The following GRB10 variants were observed in gnomAD, a reference collection of about 807,000 sequenced individuals.
GRB10 encodes growth factor receptor bound protein 10, also known as growth factor receptor-bound protein 10.
Under a neutral mutation model 80.9 loss-of-function variants are expected in GRB10, and 20 were observed. The observed-to-expected ratio is 0.25, with a 90% CI of 0.17 to 0.36. The LOEUF is 0.36. Among genes scored for constraint, GRB10 ranks in the 10% least tolerant of loss-of-function variants. The pLI, the probability that GRB10 is intolerant of heterozygous loss-of-function variation, is 1.00. For missense variants in GRB10, 548 were observed against 747.7 expected (o/e 0.73, Z 3.12); for synonymous variants, 291 against 291.5 (o/e 1.00, Z 0.02).
At chr7:50,642,409 A>G (rs2056421903) in intron 7 of GRB10, among the ~76,000 whole-genome samples, 1 of 152,244 alleles carries the variant, frequency 6.6e-6, no homozygotes, top group Non-Finnish European at 1.5e-5. Flanking sequence ...ACACATATAC[A>G]TGCAAACATG....
At chr7:50,710,479 T>C (rs1248920865) in intron 4 of GRB10, among the ~76,000 whole-genome samples, 1 of 152,098 alleles carries the variant, frequency 6.6e-6, no homozygotes, top group African/African-American at 2.4e-5. Context: ...AACTAAACAC[T>C]ACAAGATGCA....
At chr7:50,612,879 G>T (rs961593962) in intron 12 of GRB10, 40 bp from the exon 13 acceptor site, 1 of 1,390,998 alleles carries the variant, frequency 7.2e-7, no homozygotes, top group Admixed American at 1.7e-5. Flanking sequence ...TGTTACACAG[G>T]GAGTCAGAAA....
intron 4 of GRB10, among the ~76,000 whole-genome samples, chr7:50,728,677 ATTTTATT>A (rs1393444934): frequency 1.3e-5 from 2 of 152,138 alleles, no homozygotes; most frequent in Non-Finnish European, 2.9e-5. Flanking sequence ...TAAAACTTTA[ATTTTATT>A]TTTTGAGACC....
chr7:50,591,094 G>T lies in GRB10; in HGVS notation c.*1858C>A, dbSNP rs550751954. ...AATGTCCGTCCCTACAGTGAAGCCT[G>T]CCACCAGGTGTGAACGTGAGAATTA... On this transcript the variant is annotated 3_prime_UTR_variant, in exon 19 of 19. Transcript: ENST00000401949. The T allele has an allele frequency of 1.3e-5, 2 of 152,202 alleles. No homozygotes were observed. The highest frequency in any genetic ancestry group is 1.3e-4 in the Admixed American group (2 of 15,282). 9.4% of individuals were successfully genotyped at this position (152,202 alleles called of 1,614,324 possible).
rs936176794 is a variant in GRB10, at chr7:50,645,664, C to T, written c.505-18686G>A. On this transcript the variant is annotated intron_variant, in intron 7 of 18. Transcript: ENST00000401949. Reference sequence around the variant, plus strand: ...GTCTCCAGGCAGATCTGAAAGCAAACGCCGTCGTATCAGACCTCTTGGGGT... The same window carrying T: ...GTCTCCAGGCAGATCTGAAAGCAAATGCCGTCGTATCAGACCTCTTGGGGT... 36 of 982,972 alleles carry T rather than the reference C, an allele frequency of 3.7e-5. No individual in the cohort carries two copies. The South Asian group carries it at 6.1e-4, about 17-fold the overall frequency. The allele number at this position is 982,972 out of a possible 1,614,324, so 60.9% of individuals were successfully genotyped here.
intron 5 of GRB10, among the ~76,000 whole-genome samples, chr7:50,678,736 G>T (rs924653618): frequency 2.0e-5 from 3 of 152,078 alleles, no homozygotes; most frequent in African/African-American, 7.2e-5. Context: ...CATCCCTATG[G>T]CGTTTATTCT....
rs79032309 is a variant in GRB10, at chr7:50,732,064, C to T, written c.51+208G>A. Among the ~76,000 whole-genome samples the T allele has an allele frequency of 9.8e-3, 1,499 of 152,342 alleles. 27 individuals are homozygous for T. The highest frequency in any genetic ancestry group is 0.033 in the African/African-American group (1,357 of 41,580). ...ACAGTCAAACGGGAATATGACCACG[C>T]TATCTTACAAGGCAAAGCAAGACAC... is the stretch of plus-strand genomic sequence containing the variant. On this transcript the variant is annotated intron_variant, in intron 4 of 18. Transcript: ENST00000401949.
intron 4 of GRB10, among the ~76,000 whole-genome samples, chr7:50,704,887 A>G (rs1160528244): frequency 6.6e-6 from 1 of 152,150 alleles, no homozygotes; most frequent in African/African-American, 2.4e-5. Context: ...CTCATCACCC[A>G]GTGGGTCCCG....
intron 4 of GRB10, chr7:50,710,836 C>T: frequency 1.2e-6 from 2 of 1,608,362 alleles, no homozygotes; most frequent in African/African-American, 1.3e-5. Context: ...TGCCCAGCAA[C>T]TAAAGGTACT....
intron 4 of GRB10, among the ~76,000 whole-genome samples, chr7:50,721,366 C>T (rs1408212778): frequency 2.0e-5 from 3 of 152,246 alleles, no homozygotes; most frequent in Non-Finnish European, 2.9e-5. Flanking sequence ...ACGCTGCAGG[C>T]GCTGCCTGCC....
chr7:50,723,845 A>G (rs890906335), intron 4 of GRB10, among the ~76,000 whole-genome samples: 4 of 152,212 alleles, frequency 2.6e-5, no homozygotes, highest in Non-Finnish European at 5.9e-5. Flanking sequence ...AGACTAGAAC[A>G]GCTGCTCAAG....
intron 8 of GRB10, among the ~76,000 whole-genome samples, chr7:50,625,302 G>A (rs565168218): frequency 6.6e-6 from 1 of 152,098 alleles, no homozygotes; most frequent in Non-Finnish European, 1.5e-5. Context: ...TCTTTCAAAT[G>A]AAAAGAATAT....
At chr7:50,593,654 A>T (rs1267835479) in intron 18 of GRB10, among the ~76,000 whole-genome samples, 1 of 152,228 alleles carries the variant, frequency 6.6e-6, no homozygotes, top group Non-Finnish European at 1.5e-5. Flanking sequence ...GGAATGCCAC[A>T]GTATCTCCCA....
chr7:50,684,619 T>C (rs2061911184), intron 5 of GRB10, among the ~76,000 whole-genome samples: 1 of 152,070 alleles, frequency 6.6e-6, no homozygotes, highest in Admixed American at 6.5e-5. Flanking sequence ...TACCAAAACA[T>C]TACAGCCTGC....
chr7:50,649,834 G>A (rs1162095612), intron 7 of GRB10, among the ~76,000 whole-genome samples: 7 of 152,274 alleles, frequency 4.6e-5, no homozygotes, highest in Middle Eastern at 3.4e-3. Flanking sequence ...GCAACTGAGC[G>A]GACAATGACC....
At chr7:50,792,417 G>A (rs1051487667) in intron 1 of GRB10, 30 of 398,254 alleles carry the variant, frequency 7.5e-5, no homozygotes, top group Admixed American at 7.1e-4. Flanking sequence ...AAGAAAAGAC[G>A]CACACAATAA....
At chr7:50,604,290 C>T (rs2048130925) in intron 16 of GRB10, 21 bp downstream of exon 16, 1 of 1,596,324 alleles carries the variant, frequency 6.3e-7, no homozygotes, top group East Asian at 2.2e-5. Context: ...ACAAAAACAT[C>T]AGGCAATGTG....
chr7:50,597,301 C>T (rs2046832465), intron 17 of GRB10, among the ~76,000 whole-genome samples: 1 of 152,176 alleles, frequency 6.6e-6, no homozygotes. Context: ...CATGGTTTGG[C>T]TTGGTCAGGC....
chr7:50,602,142 G>C (rs972460619), intron 17 of GRB10, among the ~76,000 whole-genome samples: 18 of 150,770 alleles, frequency 1.2e-4, no homozygotes, highest in Non-Finnish European at 2.5e-4. Context: ...GACAAGTAAA[G>C]GGGAAAACCA....
Sources: allele counts gnomAD v4.1 joint callset (sites outside exome capture counted in the v4.1 genomes callset), GRCh38; gene constraint gnomAD v4.1.1; transcripts MANE v1.5; gene names NCBI Gene and HGNC (gene_info 2026-07-23, HGNC 2026-07-21).